LTBP1: variants seen among roughly 807,000 people sequenced by gnomAD.
LTBP1 encodes the protein latent-transforming growth factor beta-binding protein 1.
Under a neutral mutation model 207.6 loss-of-function variants are expected in LTBP1, and 129 were observed. That is an observed-to-expected ratio of 0.62 (90% CI 0.54 to 0.72). The LOEUF (loss-of-function observed/expected upper bound fraction) is 0.72, where lower values mean the gene tolerates loss of function less well. LTBP1 is among the 30% of genes least tolerant of loss of function. The pLI is 0.00. For synonymous variants in LTBP1, 963 were observed against 833.7 expected (o/e 1.16, Z -2.67); for missense variants, 2,281 against 2,217.2 (o/e 1.03, Z -0.58).
intron 2 of LTBP1, among the ~76,000 whole-genome samples, chr2:32,958,526 G>A (rs1270041051): frequency 6.6e-6 from 1 of 152,178 alleles, no homozygotes; most frequent in Non-Finnish European, 1.5e-5. Flanking sequence ...AGAGGCATCT[G>A]TCCCTTCATC....
chr2:33,293,023 C>A, intron 19 of LTBP1, 137 bp from the exon 20 acceptor site: 1 of 871,360 alleles, frequency 1.1e-6, no homozygotes, highest in Non-Finnish European at 1.7e-6. Context: ...CTCCTTTGGG[C>A]TAATTTGAAA....
At chr2:33,027,089 T>G (rs1238172735) in intron 3 of LTBP1, among the ~76,000 whole-genome samples, 3 of 152,220 alleles carry the variant, frequency 2.0e-5, no homozygotes, top group African/African-American at 7.2e-5. Context: ...TGACTATAGC[T>G]TGCTCATTTA....
chr2:33,348,300 A>G (rs1327747305), intron 26 of LTBP1, among the ~76,000 whole-genome samples: 1 of 152,240 alleles, frequency 6.6e-6, no homozygotes, highest in Admixed American at 6.5e-5. Context: ...TAAAATAGCT[A>G]TCTTTGCAAG....
At chr2:32,958,089 G>C (rs1678383112) in intron 2 of LTBP1, among the ~76,000 whole-genome samples, 1 of 152,176 alleles carries the variant, frequency 6.6e-6, no homozygotes, top group Non-Finnish European at 1.5e-5. Flanking sequence ...TCAGTGGTTG[G>C]AAGTTCAGTC....
intron 3 of LTBP1, among the ~76,000 whole-genome samples, chr2:33,037,696 G>T (rs1277253927): frequency 6.6e-6 from 1 of 152,006 alleles, no homozygotes; most frequent in Non-Finnish European, 1.5e-5. Context: ...TTTATTTCTA[G>T]AATTCCTGAA....
At chr2:33,273,105 A>T (rs1266988311) in intron 15 of LTBP1, among the ~76,000 whole-genome samples, 1 of 152,218 alleles carries the variant, frequency 6.6e-6, no homozygotes, top group Admixed American at 6.5e-5. Context: ...GGCAAATAAG[A>T]GTAAGATACA....
intron 5 of LTBP1, among the ~76,000 whole-genome samples, chr2:33,154,806 T>A (rs1006137424): frequency 6.6e-6 from 1 of 152,320 alleles, no homozygotes; most frequent in South Asian, 2.1e-4. Context: ...TTCACACTTA[T>A]AATCCTAGCA....
chr2:33,003,641 T>TTG (rs1164173019), intron 2 of LTBP1, among the ~76,000 whole-genome samples: 5 of 152,144 alleles, frequency 3.3e-5, no homozygotes, highest in Non-Finnish European at 5.9e-5. Flanking sequence ...GTGGTAGAGC[T>TTG]TCCTTCCAAC....
At chr2:33,035,365 T>A (rs1016372) in intron 3 of LTBP1, among the ~76,000 whole-genome samples, 6,359 of 152,310 alleles carry the variant, frequency 0.042, 201 homozygotes, top group Non-Finnish European at 0.065. Flanking sequence ...GAAAGTGTTT[T>A]GAAAAATTAG....
At chr2:32,980,002 T>G (rs1682509572) in intron 2 of LTBP1, among the ~76,000 whole-genome samples, 2 of 152,180 alleles carry the variant, frequency 1.3e-5, no homozygotes, top group South Asian at 4.1e-4. Flanking sequence ...TCTCCTCTAT[T>G]TTGGTTTCCA....
At chr2:33,188,396 C>T (rs964276554) in intron 6 of LTBP1, among the ~76,000 whole-genome samples, 181 bp from the exon 7 acceptor site, 10 of 120,680 alleles carry the variant, frequency 8.3e-5, no homozygotes, top group African/African-American at 3.2e-4. Context: ...CATTGCACAT[C>T]AGCCTGGGTG....
chr2:33,100,663 G>A (rs993234778), intron 3 of LTBP1, among the ~76,000 whole-genome samples: 1 of 151,878 alleles, frequency 6.6e-6, no homozygotes, highest in African/African-American at 2.4e-5. Flanking sequence ...ATCACCCCAA[G>A]GAGAAACTCT....
At chr2:32,978,841 G>A (rs911660529) in intron 2 of LTBP1, among the ~76,000 whole-genome samples, 1 of 151,598 alleles carries the variant, frequency 6.6e-6, no homozygotes, top group Non-Finnish European at 1.5e-5. Flanking sequence ...TGCGTCCTGG[G>A]CTTTTCCTTC....
intron 4 of LTBP1, among the ~76,000 whole-genome samples, chr2:33,130,930 G>C (rs2081754408): frequency 6.6e-6 from 1 of 152,152 alleles, no homozygotes; most frequent in Non-Finnish European, 1.5e-5. Flanking sequence ...CACAGAAGTT[G>C]TGCCAGTGGT....
chr2:33,161,077 A>C (rs377615241), intron 5 of LTBP1, among the ~76,000 whole-genome samples: 1 of 152,142 alleles, frequency 6.6e-6, no homozygotes, highest in African/African-American at 2.4e-5. Context: ...GTGTGCTTTG[A>C]GAAGAATACT....
intron 3 of LTBP1, among the ~76,000 whole-genome samples, chr2:33,031,026 G>GT (rs962427607): frequency 1.3e-5 from 2 of 151,926 alleles, no homozygotes; most frequent in African/African-American, 4.8e-5. Context: ...ATTAAAGATT[G>GT]TTTTTATCAA....
At chr2:33,156,802 A>C (rs141720441) in intron 5 of LTBP1, among the ~76,000 whole-genome samples, 1 of 152,318 alleles carries the variant, frequency 6.6e-6, no homozygotes, top group African/African-American at 2.4e-5. Context: ...TTAAACATCA[A>C]ATATTATAAA....
At chr2:33,269,286 G>A (rs1341776918) in intron 15 of LTBP1, among the ~76,000 whole-genome samples, 2 of 152,184 alleles carry the variant, frequency 1.3e-5, no homozygotes, top group East Asian at 3.9e-4. Context: ...TATAAATAGA[G>A]TATTTGGTTT....
intron 7 of LTBP1, among the ~76,000 whole-genome samples, chr2:33,198,370 G>A (rs1384127210): frequency 1.3e-5 from 2 of 152,076 alleles, no homozygotes; most frequent in South Asian, 2.1e-4. Context: ...TTTTTTGGTT[G>A]TGTCTCTGCC....
Sources: gnomAD v4.1 joint callset for allele counts (sites outside exome capture counted in the v4.1 genomes callset) on GRCh38, gnomAD v4.1.1 for gene constraint, MANE v1.5 for transcripts, NCBI Gene and HGNC (gene_info 2026-07-23, HGNC 2026-07-21) for gene names.